The following NPAS2 variants were observed in gnomAD, a reference collection of about 807,000 sequenced individuals.
NPAS2 encodes the protein neuronal PAS domain protein 2, also known as neuronal PAS domain-containing protein 2.
NPAS2 carries 23 observed loss-of-function variants against 107.5 expected under a neutral mutation model. The observed-to-expected ratio is 0.21, with a 90% CI of 0.15 to 0.30. NPAS2 has a LOEUF of 0.30. Ranked by LOEUF, NPAS2 falls within the 10% of genes least tolerant of loss-of-function variation. The pLI, the probability that NPAS2 is intolerant of heterozygous loss-of-function variation, is 1.00. For synonymous variants in NPAS2, 403 were observed against 417.5 expected, an observed-to-expected ratio of 0.97 and a Z score of 0.42; for missense variants, 756 against 1,043.3, an observed-to-expected ratio of 0.72 and a Z score of 3.79.
At chr2:100,901,116 C>G (rs1681741777) in intron 1 of NPAS2, among the ~76,000 whole-genome samples, 1 of 152,162 alleles carries the variant, frequency 6.6e-6, no homozygotes, top group Non-Finnish European at 1.5e-5. Flanking sequence ...TTCTACCTCC[C>G]CATTTGTTTA....
intron 7 of NPAS2, among the ~76,000 whole-genome samples, chr2:100,950,065 GACA>G (rs1486526284): frequency 6.6e-6 from 1 of 152,202 alleles, no homozygotes; most frequent in African/African-American, 2.4e-5. Context: ...TGGCTACAGA[GACA>G]ACAACTCTGA....
intron 3 of NPAS2, among the ~76,000 whole-genome samples, chr2:100,925,710 C>T (rs572983637): frequency 6.6e-6 from 1 of 152,292 alleles, no homozygotes; most frequent in African/African-American, 2.4e-5. Context: ...CCCTCGAACT[C>T]TTTGGTCTTT....
At chr2:100,917,875 A>G (rs1682987042) in intron 2 of NPAS2, among the ~76,000 whole-genome samples, 1 of 152,188 alleles carries the variant, frequency 6.6e-6, no homozygotes, top group African/African-American at 2.4e-5. Context: ...ACATTAAAAG[A>G]AGAAATATCA....
intron 3 of NPAS2, among the ~76,000 whole-genome samples, chr2:100,926,377 A>G (rs993758037): frequency 1.3e-5 from 2 of 152,174 alleles, no homozygotes; most frequent in African/African-American, 2.4e-5. Flanking sequence ...GCTTGTACCT[A>G]TTTATATTCC....
chr2:100,988,686 C>T (rs752332835), intron 17 of NPAS2: 1 of 322,652 alleles, frequency 3.1e-6, no homozygotes, highest in Non-Finnish European at 5.9e-6. Context: ...CATGAGCAGC[C>T]ACTGCTGTTC....
In NPAS2 at chr2:100,976,204, C is replaced by G. The variant is rs1374960380; in HGVS notation, c.1392+637C>G. Among the ~76,000 whole-genome samples, 1 of 151,894 alleles carries G rather than the reference C, an allele frequency of 6.6e-6. No homozygotes were observed. The highest frequency in any genetic ancestry group is 1.5e-5 in the Non-Finnish European group (1 of 67,972). On this transcript the variant is annotated intron_variant, in intron 14 of 20. Transcript: ENST00000335681. This position sits in a 1 kb window ranked among gnomAD's most constrained non-coding sequence, Gnocchi z 4.1. ...CCTTGGTGTCGGGGATCTCGTGGGCCTAGGCTATGGAATGCACCCACCAGA... is the reference window on the plus strand; with the variant it reads ...CCTTGGTGTCGGGGATCTCGTGGGCGTAGGCTATGGAATGCACCCACCAGA...
chr2:100,974,099 C>T (rs909443424), intron 12 of NPAS2, among the ~76,000 whole-genome samples: 1 of 152,260 alleles, frequency 6.6e-6, no homozygotes, highest in African/African-American at 2.4e-5. Context: ...GCCTCAGCCT[C>T]CCAAAGAGCT....
chr2:100,895,303 C>T (rs1174810613), intron 1 of NPAS2, among the ~76,000 whole-genome samples: 1 of 152,212 alleles, frequency 6.6e-6, no homozygotes, highest in Non-Finnish European at 1.5e-5. Context: ...GTGCTGGGGG[C>T]TTCCCTTGGA....
At chr2:100,880,508 T>C (rs1045852878) in intron 1 of NPAS2, among the ~76,000 whole-genome samples, 1 of 152,198 alleles carries the variant, frequency 6.6e-6, no homozygotes, top group African/African-American at 2.4e-5. Flanking sequence ...GAAAGCATTA[T>C]GCTAAATGAA....
intron 19 of NPAS2, among the ~76,000 whole-genome samples, chr2:100,992,452 G>T (rs1573817710): frequency 1.3e-5 from 2 of 152,300 alleles, no homozygotes; most frequent in East Asian, 3.9e-4. Context: ...TGGAGGTGTG[G>T]CCTGGTGGGA....
intron 1 of NPAS2, among the ~76,000 whole-genome samples, chr2:100,876,263 C>G (rs1679959980): frequency 1.3e-5 from 2 of 152,166 alleles, no homozygotes; most frequent in African/African-American, 4.8e-5. Context: ...ATTCACAACT[C>G]CTGAACCAAG....
intron 1 of NPAS2, among the ~76,000 whole-genome samples, chr2:100,891,637 G>T (rs1397692117): frequency 1.3e-5 from 2 of 152,234 alleles, no homozygotes. Context: ...TTTCAACCTA[G>T]ATCTGGCTAG....
intron 1 of NPAS2, among the ~76,000 whole-genome samples, chr2:100,882,344 T>G (rs1405311201): frequency 6.6e-6 from 1 of 152,206 alleles, no homozygotes; most frequent in Non-Finnish European, 1.5e-5. Context: ...GCGCAGTGGC[T>G]CATGCCTGTA....
At chr2:100,905,796 G>T (rs1255277842) in intron 2 of NPAS2, among the ~76,000 whole-genome samples, 4 of 152,180 alleles carry the variant, frequency 2.6e-5, no homozygotes, top group Non-Finnish European at 4.4e-5. Flanking sequence ...CCCACTGCTT[G>T]CTTGTCACCT....
At chr2:100,907,435 C>T (rs941487833) in intron 2 of NPAS2, among the ~76,000 whole-genome samples, 31 of 149,800 alleles carry the variant, frequency 2.1e-4, no homozygotes, top group Non-Finnish European at 3.4e-4. Context: ...GAGTTTAGAA[C>T]GTTTGGTGGT....
At chr2:100,959,110 C>CAAAAAAAAA (rs755776689) in intron 7 of NPAS2, among the ~76,000 whole-genome samples, 3,648 of 69,326 alleles carry the variant, frequency 0.053, 193 homozygotes, top group African/African-American at 0.17. Flanking sequence ...AAAAAAAAAA[C>CAAAAAAAAA]AAAACTAAAA....
intron 1 of NPAS2, among the ~76,000 whole-genome samples, chr2:100,827,411 G>C (rs1467861726): frequency 6.6e-6 from 1 of 152,110 alleles, no homozygotes; most frequent in Admixed American, 6.6e-5. Flanking sequence ...TTTAGATTCA[G>C]GGGATACATG....
intron 1 of NPAS2, among the ~76,000 whole-genome samples, chr2:100,866,973 G>C (rs140441963): frequency 5.3e-5 from 8 of 152,324 alleles, no homozygotes; most frequent in African/African-American, 1.9e-4. Context: ...ATTTTAAAGA[G>C]AGTCATTTAC....
intron 1 of NPAS2, among the ~76,000 whole-genome samples, chr2:100,829,493 G>A (rs1231215016): frequency 1.3e-5 from 2 of 152,128 alleles, no homozygotes; most frequent in African/African-American, 4.8e-5. Flanking sequence ...ACTAATTTTT[G>A]CACATTGATT....
Sources: allele counts gnomAD v4.1 joint callset (sites outside exome capture counted in the v4.1 genomes callset), GRCh38; gene constraint gnomAD v4.1.1; non-coding constraint Gnocchi (gnomAD v3.1); transcripts MANE v1.5; gene names NCBI Gene and HGNC (gene_info 2026-07-23, HGNC 2026-07-21).